EML6: variants seen among roughly 807,000 people sequenced by gnomAD.
EML6 encodes the protein echinoderm microtubule-associated protein-like 6.
In EML6, 154 loss-of-function variants were observed where a neutral mutation model predicts 240.1. The observed-to-expected ratio is 0.64, with a 90% CI of 0.56 to 0.73. The LOEUF is 0.73. Among genes scored for constraint, EML6 ranks in the 30% least tolerant of loss-of-function variants. EML6 has a pLI of 0.00. For synonymous variants in EML6, 1,148 were observed against 899.0 expected (o/e 1.28, Z -4.95); for missense variants, 2,964 against 2,474.6 (o/e 1.20, Z -4.20).
rs76339829 is a variant in EML6, at chr2:54,890,452, T to G, written c.2439-602T>G. ...GGTCTACAATGGAACTTTGCACTTA[T>G]GTTTGTCCTTCTGCCCCTTAGGTTA... On this transcript the variant is annotated intron_variant, in intron 17 of 41. Transcript: ENST00000356458. Among the ~76,000 whole-genome samples the G allele has an allele frequency of 4.3e-3, 648 of 152,336 alleles. 4 individuals are homozygous for G. The highest frequency in any genetic ancestry group is 6.7e-3 in the Non-Finnish European group (458 of 68,028).
intron 28 of EML6, 128 bp from the exon 29 acceptor site, chr2:54,948,754 C>G: frequency 1.4e-6 from 1 of 690,640 alleles, no homozygotes; most frequent in Non-Finnish European, 2.5e-6. Flanking sequence ...CTGAACAGAT[C>G]CAAGTGGAGG....
rs1351823241 is a variant in EML6, at chr2:54,911,062, AT to A, written c.3498+25del. On this transcript the variant is annotated intron_variant, in intron 25 of 41. Coordinates refer to ENST00000356458, the MANE Select transcript of EML6 (RefSeq NM_001039753.4). ...TCAGAGGTAATAATCATACACAAAG[AT>A]TTTTAAAGATATTTTGTGAAGATTT... The A allele has an allele frequency of 8.0e-7, 1 of 1,254,548 alleles. No homozygotes were observed. Among genetic ancestry groups the A allele is most frequent in the Admixed American group, 2.2e-5 (1 of 46,492 alleles). The allele number at this position is 1,254,548 out of a possible 1,614,324, so 77.7% of individuals were successfully genotyped here. A position where few individuals can be genotyped will look rare whatever the true frequency, so the allele number is the denominator to read the frequency against.
At chr2:54,933,575 A>G (rs1315735821) in intron 28 of EML6, among the ~76,000 whole-genome samples, 1 of 152,036 alleles carries the variant, frequency 6.6e-6, no homozygotes, top group Non-Finnish European at 1.5e-5. Flanking sequence ...CTCTCCTAAA[A>G]ATACAAAAAT....
chr2:54,798,459 G>A (rs1034272918), intron 2 of EML6, among the ~76,000 whole-genome samples: 24 of 151,990 alleles, frequency 1.6e-4, no homozygotes, highest in African/African-American at 5.6e-4. Context: ...AGGCGTGAGC[G>A]ACCACACCCG....
chr2:54,861,582 C>CT (rs971211135), intron 12 of EML6, among the ~76,000 whole-genome samples: 3 of 152,152 alleles, frequency 2.0e-5, no homozygotes, highest in Admixed American at 6.5e-5. Context: ...GTCTTGATGT[C>CT]TTCCCCCCTT....
chr2:54,756,505 T>C (rs1327586170), intron 2 of EML6, among the ~76,000 whole-genome samples: 1 of 152,234 alleles, frequency 6.6e-6, no homozygotes, highest in Non-Finnish European at 1.5e-5. Flanking sequence ...TGATTTTATA[T>C]TGTCATACAC....
intron 26 of EML6, among the ~76,000 whole-genome samples, chr2:54,925,418 T>C (rs1245652956): frequency 6.6e-6 from 1 of 152,218 alleles, no homozygotes; most frequent in Non-Finnish European, 1.5e-5. Flanking sequence ...CGCATTGAGT[T>C]CTATGTCATC....
chr2:54,860,752 C>A (rs1179211890), intron 12 of EML6, among the ~76,000 whole-genome samples: 1 of 152,156 alleles, frequency 6.6e-6, no homozygotes, highest in Non-Finnish European at 1.5e-5. Context: ...CTTGTAGGCA[C>A]TTGCAGCGGC....
At chr2:54,952,460 T>C (rs17046509) in intron 30 of EML6, 134 bp from the exon 31 acceptor site, 7,431 of 578,308 alleles carry the variant, frequency 0.013, 365 homozygotes, top group African/African-American at 0.12. Flanking sequence ...AGTGTGATTC[T>C]GGAAGTGAGA....
At chr2:54,895,062 T>C (rs1160945732) in intron 20 of EML6, 36 bp downstream of exon 20, 30 of 1,454,064 alleles carry the variant, frequency 2.1e-5, no homozygotes, top group Non-Finnish European at 2.1e-5. Context: ...GATCTTTGTA[T>C]TCATAGGGAT....
chr2:54,820,021 C>A (rs557494171), intron 4 of EML6, among the ~76,000 whole-genome samples: 4 of 152,182 alleles, frequency 2.6e-5, no homozygotes, highest in East Asian at 1.9e-4. Context: ...TTTTATAATT[C>A]TTTAAATTTC....
At chr2:54,891,344 A>T (rs1672459143) in intron 18 of EML6, among the ~76,000 whole-genome samples, 190 bp downstream of exon 18, 1 of 152,272 alleles carries the variant, frequency 6.6e-6, no homozygotes, top group African/African-American at 2.4e-5. Context: ...CGCTATGCAT[A>T]TTCATCAATA....
At chr2:54,898,333 C>A (rs1404859064) in intron 21 of EML6, among the ~76,000 whole-genome samples, 1 of 151,986 alleles carries the variant, frequency 6.6e-6, no homozygotes, top group East Asian at 1.9e-4. Context: ...CTCTGGGTCC[C>A]ACAATCTTGT....
chr2:54,743,733 A>G (rs1394231058), intron 2 of EML6, among the ~76,000 whole-genome samples: 2 of 152,210 alleles, frequency 1.3e-5, no homozygotes, highest in African/African-American at 4.8e-5. Flanking sequence ...CCACTATAGG[A>G]ATATTTGTTT....
chr2:54,794,027 A>G (rs190280595), intron 2 of EML6, among the ~76,000 whole-genome samples: 4 of 152,260 alleles, frequency 2.6e-5, no homozygotes, highest in African/African-American at 7.2e-5. Flanking sequence ...AAACATGAAA[A>G]CTGACCCTTA....
At chr2:54,741,044 C>T (rs903057455) in intron 2 of EML6, among the ~76,000 whole-genome samples, 5 of 152,088 alleles carry the variant, frequency 3.3e-5, no homozygotes, top group Non-Finnish European at 5.9e-5. Context: ...GTTAAACAAA[C>T]GTGTTCAGTG....
At chr2:54,914,088 ACCTCTG>A (rs1673779430) in intron 25 of EML6, among the ~76,000 whole-genome samples, 1 of 152,032 alleles carries the variant, frequency 6.6e-6, no homozygotes, top group African/African-American at 2.4e-5. Context: ...GTAATACGAT[ACCTCTG>A]GCTTTGTTCT....
chr2:54,903,359 T>C lies in EML6; in HGVS notation c.3278-12T>C, dbSNP rs776998256. The C allele has an allele frequency of 5.2e-6, 8 of 1,550,140 alleles. No homozygotes were observed. In the South Asian group the frequency reaches 9.5e-5, roughly 19 times the overall value. ...AAATGCTTCGATGTTAACCCCACAT[T>C]TTTCTTAACAGATACGGGAAAATAC... On this transcript the variant is annotated splice_polypyrimidine_tract_variant and intron_variant, in intron 23 of 41. Coordinates refer to ENST00000356458, the MANE Select transcript of EML6 (RefSeq NM_001039753.4).
intron 28 of EML6, 26 bp from the exon 29 acceptor site, chr2:54,948,856 C>A (rs1404144947): frequency 7.1e-6 from 11 of 1,539,880 alleles, no homozygotes; most frequent in Non-Finnish European, 9.7e-6. Context: ...CAATGCTGTG[C>A]TTCCTCTGGC....
Sources: allele counts gnomAD v4.1 joint callset (sites outside exome capture counted in the v4.1 genomes callset), GRCh38; gene constraint gnomAD v4.1.1; transcripts MANE v1.5; gene names NCBI Gene and HGNC (gene_info 2026-07-23, HGNC 2026-07-21).